The following GRIN2A variants were observed in gnomAD, a reference collection of about 807,000 sequenced individuals.
GRIN2A encodes the protein glutamate ionotropic receptor NMDA type subunit 2A.
A neutral mutation model predicts 113.4 loss-of-function variants in GRIN2A; 22 were observed. The ratio of observed to expected loss-of-function variants is 0.19; its 90% CI spans 0.14 to 0.28. GRIN2A has a LOEUF of 0.28. Ranked by LOEUF, GRIN2A falls within the 10% of genes least tolerant of loss-of-function variation. The pLI is 1.00. For missense variants in GRIN2A, 1,502 were observed against 1,887.0 expected (o/e 0.80, Z 3.78); for synonymous variants, 827 against 738.4 (o/e 1.12, Z -1.94).
chr16:10,111,549 C>G (rs564406588), intron 2 of GRIN2A: 1 of 792,794 alleles, frequency 1.3e-6, no homozygotes, highest in East Asian at 2.4e-5. Flanking sequence ...CAGCCCTGAC[C>G]CGGAAGATCA....
rs58751267 is a variant in GRIN2A, at chr16:10,144,920, CAAAAAAAAA to C, written c.414+35069_414+35077del. Among the ~76,000 whole-genome samples, 5 of 59,416 alleles carry C rather than the reference CAAAAAAAAA, an allele frequency of 8.4e-5. No individual in the cohort carries two copies. In the Admixed American group the frequency reaches 1.4e-3, roughly 17 times the overall value. 39.0% of individuals were successfully genotyped at this position (59,416 alleles called of 152,430 possible). Reference sequence around the variant, plus strand: ...TGGGCGACAGAGCAAGACCCTGTCTCAAAAAAAAAAAAAAAAAAAAGAGAGATGAATGAA... The same window carrying C: ...TGGGCGACAGAGCAAGACCCTGTCTCAAAAAAAAAAAGAGAGATGAATGAA... On this transcript the variant is annotated intron_variant, in intron 2 of 12. Transcript: ENST00000330684.
chr16:9,812,068 C>T (rs1232633074), intron 10 of GRIN2A, among the ~76,000 whole-genome samples: 4 of 152,070 alleles, frequency 2.6e-5, no homozygotes, highest in African/African-American at 9.7e-5. Context: ...TAATGGTGGG[C>T]CATTAGAAAC....
At chr16:10,119,988 G>T (rs2048803985) in intron 2 of GRIN2A, among the ~76,000 whole-genome samples, 1 of 152,292 alleles carries the variant, frequency 6.6e-6, no homozygotes, top group South Asian at 2.1e-4. Context: ...TACCATTGAT[G>T]GGCGTTTAGG....
intron 2 of GRIN2A, among the ~76,000 whole-genome samples, chr16:10,162,794 AGAGGG>A (rs1376080497): frequency 6.6e-6 from 1 of 152,230 alleles, no homozygotes; most frequent in African/African-American, 2.4e-5. Flanking sequence ...ACAACATATC[AGAGGG>A]TTCTCCTACC....
chr16:9,838,618 C>T (rs1384142427), intron 7 of GRIN2A, among the ~76,000 whole-genome samples: 1 of 152,098 alleles, frequency 6.6e-6, no homozygotes, highest in African/African-American at 2.4e-5. Context: ...GGTTTATGGG[C>T]TGATTTAAAT....
intron 2 of GRIN2A, among the ~76,000 whole-genome samples, chr16:9,998,436 T>A (rs957823734): frequency 3.3e-5 from 5 of 152,204 alleles, no homozygotes; most frequent in Non-Finnish European, 2.9e-5. Flanking sequence ...GAATTTTCAT[T>A]TGGAGTCATG....
intron 11 of GRIN2A, among the ~76,000 whole-genome samples, chr16:9,791,019 T>C (rs192501734): frequency 3.6e-4 from 55 of 152,352 alleles, no homozygotes; most frequent in Non-Finnish European, 4.4e-5. Context: ...TCTTTATGTT[T>C]ATTTTCATAT....
intron 5 of GRIN2A, 140 bp from the exon 6 acceptor site, chr16:9,841,244 G>A (rs2042672734): frequency 2.7e-6 from 2 of 742,698 alleles, no homozygotes; most frequent in Non-Finnish European, 4.8e-6. Flanking sequence ...GACACACTGT[G>A]AGTACATGAC....
At chr16:10,096,480 A>T (rs557822302) in intron 2 of GRIN2A, among the ~76,000 whole-genome samples, 1 of 151,882 alleles carries the variant, frequency 6.6e-6, no homozygotes, top group Non-Finnish European at 1.5e-5. Context: ...CATGGTCTAT[A>T]TTGATTCTCA....
chr16:9,867,692 G>A (rs911344554), intron 4 of GRIN2A, among the ~76,000 whole-genome samples: 1 of 152,154 alleles, frequency 6.6e-6, no homozygotes, highest in African/African-American at 2.4e-5. Flanking sequence ...GCCCTAGACT[G>A]TCAGGACACT....
In GRIN2A at chr16:9,764,521, G is replaced by C. The variant is rs1900787200; in HGVS notation, c.3023C>G (p.Ser1008Cys). The C allele has an allele frequency of 1.2e-6, 2 of 1,613,932 alleles. No homozygotes were observed. The highest frequency in any genetic ancestry group is 1.6e-4 in the Middle Eastern group (1 of 6,084). The change falls in exon 13 of 13, where the codon TCT (serine) becomes TGT (cysteine). Residue 1008 changes from serine to cysteine, a missense_variant. This residue lies in a region of GRIN2A where 832 missense variants were observed against 789.7 expected (regional missense o/e 1.05). Transcript: ENST00000330684. ...VAVSTESKAN[S>C]RPRQLWKKSV... ...TTTCTTCCACAGCTGCCGGGGTCTA[G>C]AGTTCGCTTTGGATTCTGTGCTCAC...
At chr16:9,833,231 C>G (rs763679323) in intron 8 of GRIN2A, among the ~76,000 whole-genome samples, 13 of 152,182 alleles carry the variant, frequency 8.5e-5, no homozygotes, top group Non-Finnish European at 1.5e-4. Flanking sequence ...AATTTTATTT[C>G]CTATCTACTG....
intron 2 of GRIN2A, among the ~76,000 whole-genome samples, chr16:10,076,119 C>G (rs2047867922): frequency 6.6e-6 from 1 of 152,110 alleles, no homozygotes; most frequent in African/African-American, 2.4e-5. Context: ...GCTAACCAGA[C>G]CATTCTCCCA....
At chr16:9,797,783 T>C (rs1903092446) in intron 11 of GRIN2A, among the ~76,000 whole-genome samples, 1 of 152,210 alleles carries the variant, frequency 6.6e-6, no homozygotes, top group Admixed American at 6.5e-5. Context: ...TTTTGTGATG[T>C]AGGGGGCTGT....
At chr16:10,036,866 A>G (rs1199080126) in intron 2 of GRIN2A, 1 of 152,080 alleles carries the variant, frequency 6.6e-6, no homozygotes, top group Non-Finnish European at 1.5e-5. Flanking sequence ...TAGGGCTCAC[A>G]CTAATGACCT....
At position 9,819,867 on chromosome 16, in the gene GRIN2A, G is replaced by A. The variant is rs536376529; in HGVS notation, c.2168+2397C>T. 3.3e-4 allele frequency among the ~76,000 whole-genome samples: 49 copies of A among 149,130 alleles called. No individual in the cohort carries two copies. The South Asian group carries it at 9.8e-3, about 30-fold the overall frequency. ...ACCTGGGAGGTGGAGGTTGCAGCGG[G>A]GAGAGACTGCACCATTGCACTCCAG... On this transcript the variant is annotated intron_variant, in intron 10 of 12. Coordinates refer to ENST00000330684, the MANE Select transcript of GRIN2A (RefSeq NM_001134407.3).
In GRIN2A at chr16:10,034,769, C is replaced by T. The variant is rs139359845; in HGVS notation, c.415-96218G>A. On this transcript the variant is annotated intron_variant, in intron 2 of 12. Transcript: ENST00000330684. ...GAGTTCTCCTGACATTGGTGTGACC[C>T]CTCCACTCATCTCAAGAACCACTAG... 3.7e-3 allele frequency among the ~76,000 whole-genome samples: 563 copies of T among 152,028 alleles called. 2 individuals are homozygous for T. The highest frequency in any genetic ancestry group is 0.013 in the African/African-American group (531 of 41,428).
chr16:10,142,934 T>TA (rs1273048257), intron 2 of GRIN2A, among the ~76,000 whole-genome samples: 3 of 152,354 alleles, frequency 2.0e-5, no homozygotes, highest in African/African-American at 7.2e-5. Flanking sequence ...GCTTCTTAGA[T>TA]AAAAATAACA....
chr16:10,061,223 T>C (rs2047545604), intron 2 of GRIN2A, among the ~76,000 whole-genome samples: 2 of 152,172 alleles, frequency 1.3e-5, no homozygotes, highest in South Asian at 4.1e-4. Context: ...GCAACTTTAA[T>C]GATGCAAACC....
Sources: allele counts gnomAD v4.1 joint callset (sites outside exome capture counted in the v4.1 genomes callset), GRCh38; gene constraint gnomAD v4.1.1; regional missense constraint gnomAD v4.1.1; transcripts MANE v1.5; gene names NCBI Gene and HGNC (gene_info 2026-07-23, HGNC 2026-07-21).